Variants in DDX4 observed in about 807,000 individuals in gnomAD.
DDX4 encodes the protein DEAD-box helicase 4.
DDX4 carries 25 observed loss-of-function variants against 100.0 expected under a neutral mutation model. That is an observed-to-expected ratio of 0.25 (90% CI 0.18 to 0.35). DDX4 has a LOEUF of 0.35. DDX4 is among the 10% of genes least tolerant of loss of function. The pLI is 1.00. For synonymous variants in DDX4, 259 were observed against 275.7 expected (o/e 0.94, Z 0.60); for missense variants, 635 against 882.4 (o/e 0.72, Z 3.55).
At chr5:55,802,115 C>T (rs971491057) in intron 18 of DDX4, among the ~76,000 whole-genome samples, 1 of 152,098 alleles carries the variant, frequency 6.6e-6, no homozygotes, top group South Asian at 2.1e-4. Flanking sequence ...TTTTCAAATA[C>T]GAAATCCAGG....
In DDX4 at chr5:55,738,104, G is replaced by C. The variant is rs911696547; in HGVS notation, c.-15+3G>C. 7 of 152,446 alleles carry C rather than the reference G, an allele frequency of 4.6e-5. No homozygotes were observed. The highest frequency in any genetic ancestry group is 2.0e-4 in the Admixed American group (3 of 15,312). The allele number at this position is 152,446 out of a possible 1,614,324, so 9.4% of individuals were successfully genotyped here. ...TTGGGAGAGCAAGCCGCGGAGAGGT[G>C]AGTGGGCCGCTTTTCTACGGGAACT... On this transcript the variant is annotated splice_donor_region_variant and intron_variant, in intron 1 of 21. Transcript: ENST00000505374.
At chr5:55,814,288 A>G (rs569590139) in intron 19 of DDX4, among the ~76,000 whole-genome samples, 2 of 152,356 alleles carry the variant, frequency 1.3e-5, no homozygotes, top group South Asian at 4.1e-4. Flanking sequence ...TGTCAAGACT[A>G]TAAAGCATAG....
chr5:55,800,638 A>G (rs1000454788), intron 18 of DDX4, among the ~76,000 whole-genome samples: 1 of 152,094 alleles, frequency 6.6e-6, no homozygotes, highest in Non-Finnish European at 1.5e-5. Flanking sequence ...TTTTTTTTAT[A>G]TATGAGCTTG....
rs1426026471 is a variant in DDX4 at position 55,764,023 on chromosome 5, A to G, written c.293A>G (p.Asn98Ser). 3.7e-6 allele frequency: 6 copies of G among 1,609,790 alleles called. No individual in the cohort carries two copies. The highest frequency in any genetic ancestry group is 1.1e-5 in the South Asian group (1 of 90,944). The change falls in exon 6 of 22, where the codon AAC becomes AGC. Residue 98 changes from asparagine (N) to serine (S), a missense_variant. Physicochemically the swap from Asn to Ser is conservative, Grantham distance 46 (BLOSUM62 1). Transcript: ENST00000505374. ...TTTATATTTTGTATAGGTTTTTCAA[A>G]CAGCAGGTTTGAAGATGGTGATAGC... Reference protein sequence around the residue: ...GKSFGNRGFSNSRFEDGDSSG... With the variant: ...GKSFGNRGFSSSRFEDGDSSG...
intron 16 of DDX4, among the ~76,000 whole-genome samples, chr5:55,791,104 C>T (rs577047361): frequency 4.6e-5 from 7 of 151,960 alleles, no homozygotes; most frequent in African/African-American, 1.7e-4. Flanking sequence ...TGTAAGAAAC[C>T]CTTTGTGGCA....
chr5:55,755,539 G>A lies in DDX4; in HGVS notation c.128-4661G>A, dbSNP rs1275125605. Among the ~76,000 whole-genome samples, 3 of 152,102 alleles carry A rather than the reference G, an allele frequency of 2.0e-5. No homozygotes were observed. The East Asian group carries it at 5.8e-4, about 29-fold the overall frequency. On this transcript the variant is annotated intron_variant, in intron 3 of 21. Coordinates refer to ENST00000505374, the MANE Select transcript of DDX4 (RefSeq NM_024415.3). ...TGGATGAAATTAGATATTTTATTTAGCACTTCTGAATTAATGTAAGATTGG... is the reference window on the plus strand; with the variant it reads ...TGGATGAAATTAGATATTTTATTTAACACTTCTGAATTAATGTAAGATTGG...
intron 3 of DDX4, among the ~76,000 whole-genome samples, chr5:55,758,868 TAAAA>T (rs35392036): frequency 1.8e-4 from 13 of 70,316 alleles, no homozygotes; most frequent in African/African-American, 4.0e-4. Flanking sequence ...TTTGTTTCCT[TAAAA>T]AAAAAAAAAA....
chr5:55,759,476 A>G (rs1760163586), intron 3 of DDX4, among the ~76,000 whole-genome samples: 1 of 150,076 alleles, frequency 6.7e-6, no homozygotes, highest in African/African-American at 2.5e-5. Flanking sequence ...AATCTCATGT[A>G]TATGAATTGA....
chr5:55,792,341 ATTTTATTTTT>A (rs1742628857), intron 16 of DDX4, among the ~76,000 whole-genome samples: 4 of 151,082 alleles, frequency 2.6e-5, no homozygotes, highest in South Asian at 2.1e-4. Context: ...TCTTAACAGT[ATTTTATTTTT>A]TTTTATTTTT....
At chr5:55,770,401 A>T (rs558310200) in intron 7 of DDX4, among the ~76,000 whole-genome samples, 21 of 152,274 alleles carry the variant, frequency 1.4e-4, no homozygotes, top group South Asian at 6.2e-4. Flanking sequence ...TACTCTGGTA[A>T]TTCAGCTTCT....
At position 55,804,644 on chromosome 5, in the gene DDX4, G is replaced by A. The variant is rs375912864; in HGVS notation, c.1615+6073G>A. ...GATCAGATAGTTGTAGATATGCTGC[G>A]TTATTTCTGAGGGCTCTGTTCTGTT... On this transcript the variant is annotated intron_variant, in intron 18 of 21. Coordinates refer to ENST00000505374, the MANE Select transcript of DDX4 (RefSeq NM_024415.3). Among the ~76,000 whole-genome samples the A allele has an allele frequency of 5.3e-5, 8 of 151,878 alleles. No individual in the cohort carries two copies. The South Asian group carries it at 6.2e-4, about 12-fold the overall frequency.
intron 7 of DDX4, chr5:55,773,148 C>T (rs952613637): frequency 6.6e-6 from 1 of 152,626 alleles, no homozygotes; most frequent in Admixed American, 6.5e-5. Flanking sequence ...GGGCCCATTT[C>T]CTGGTTCATA....
chr5:55,755,732 T>C (rs1273046536), intron 3 of DDX4, among the ~76,000 whole-genome samples: 1 of 152,152 alleles, frequency 6.6e-6, no homozygotes, highest in East Asian at 1.9e-4. Flanking sequence ...TTTTAAACTT[T>C]ATTGAAGCAT....
At chr5:55,768,155 G>A in intron 7 of DDX4, 1 of 523,816 alleles carries the variant, frequency 1.9e-6, no homozygotes, top group Non-Finnish European at 3.5e-6. Flanking sequence ...TTTGGTTCAG[G>A]GGTTCATGTG....
intron 18 of DDX4, among the ~76,000 whole-genome samples, chr5:55,799,212 C>T (rs1288572809): frequency 1.3e-5 from 2 of 152,068 alleles, no homozygotes; most frequent in Admixed American, 6.6e-5. Context: ...GGACTATAGG[C>T]ATGCGCTACC....
intron 21 of DDX4, among the ~76,000 whole-genome samples, chr5:55,815,636 T>G (rs1744354202): frequency 6.6e-6 from 1 of 152,220 alleles, no homozygotes; most frequent in South Asian, 2.1e-4. Context: ...GCCTAAACAG[T>G]CTCCTTTCCC....
intron 3 of DDX4, among the ~76,000 whole-genome samples, chr5:55,758,863 T>G (rs1760103215): frequency 8.3e-6 from 1 of 120,974 alleles, no homozygotes; most frequent in African/African-American, 3.1e-5. Flanking sequence ...TTACGTTTGT[T>G]TCCTTAAAAA....
chr5:55,738,157 C>T (rs985322354), intron 1 of DDX4, 56 bp downstream of exon 1: 6 of 152,328 alleles, frequency 3.9e-5, no homozygotes, highest in Non-Finnish European at 7.3e-5. Flanking sequence ...ACGGGCTCCC[C>T]AGTAACCGAC....
chr5:55,796,325 A>G (rs774190586), intron 17 of DDX4, among the ~76,000 whole-genome samples: 9 of 152,208 alleles, frequency 5.9e-5, no homozygotes, highest in Non-Finnish European at 1.0e-4. Flanking sequence ...AGTTGACACC[A>G]AATATTAACC....
Sources: allele counts gnomAD v4.1 joint callset (sites outside exome capture counted in the v4.1 genomes callset), GRCh38; gene constraint gnomAD v4.1.1; transcripts MANE v1.5; gene names NCBI Gene and HGNC (gene_info 2026-07-23, HGNC 2026-07-21).